DHX9: variants seen among roughly 807,000 people sequenced by gnomAD.
The protein encoded by DHX9 is ATP-dependent RNA helicase A.
DHX9 carries 27 observed loss-of-function variants against 148.7 expected under a neutral mutation model. The observed-to-expected ratio is 0.18, with a 90% CI of 0.13 to 0.25. DHX9 has a LOEUF of 0.25. DHX9 is among the 10% of genes least tolerant of loss of function. The pLI, the probability that DHX9 is intolerant of heterozygous loss-of-function variation, is 1.00. For missense variants in DHX9, 796 were observed against 1,559.6 expected (o/e 0.51, Z 8.25); for synonymous variants, 529 against 516.6 (o/e 1.02, Z -0.33).
rs771689091 is a variant in DHX9, at chr1:182,843,298, A to G, written c.116A>G (p.Gln39Arg). The change falls in exon 3 of 28, where the codon CAG (glutamine) becomes CGG (arginine). Residue 39 changes from glutamine (Q) to arginine (R), a missense_variant. By Grantham distance (43) the Gln-to-Arg change is conservative. Around this residue, in one of 14 missense-constraint regions of DHX9, gnomAD observed 23 missense variants for 89.5 expected, o/e 0.26. Transcript: ENST00000367549. ...KNRQKFMCEV[Q>R]VEGYNYTGMG... is the part of the protein sequence containing the mutation. ...TACTTTTTTTTTTTTTTAAAGGTTC[A>G]GGTGGAAGGTTATAATTACACTGGC... 1.9e-6 allele frequency: 3 copies of G among 1,565,472 alleles called. No individual in the cohort carries two copies. Among genetic ancestry groups the G allele is most frequent in the East Asian group, 4.6e-5 (2 of 43,414 alleles).
In DHX9 at chr1:182,853,297, T is replaced by A. The variant is rs1180811399; in HGVS notation, c.365-9T>A. 1 of 1,596,396 alleles carries A rather than the reference T, an allele frequency of 6.3e-7. No individual in the cohort carries two copies. Among genetic ancestry groups the A allele is most frequent in the Non-Finnish European group, 8.5e-7 (1 of 1,170,220 alleles). ...TGACTCATTAAGAGAATTTTTTTTC[T>A]TTTAACAGAAAATAATTCTGAGGTA... On this transcript the variant is annotated splice_polypyrimidine_tract_variant and intron_variant, in intron 4 of 27. Coordinates refer to ENST00000367549, the MANE Select transcript of DHX9 (RefSeq NM_001357.5).
rs1649372622 is a variant in DHX9 at position 182,887,226 on chromosome 1, G to C, written c.3605G>C (p.Ser1202Thr). ...TATGGTAGCGGAGGCTATGGTGGCA[G>C]CGCCAACTCCTTTCGGGCAGGATAT... The part of the protein sequence containing the change: ...GGYGSGGYGG[S>T]ANSFRAGYGA... The change falls in exon 28 of 28, where the codon AGC becomes ACC. Residue 1202 changes from serine to threonine, a missense_variant. Coordinates refer to ENST00000367549, the MANE Select transcript of DHX9 (RefSeq NM_001357.5). The C allele has an allele frequency of 3.1e-6, 5 of 1,614,084 alleles. No individual in the cohort carries two copies. Among genetic ancestry groups the C allele is most frequent in the Non-Finnish European group, 4.2e-6 (5 of 1,180,042 alleles).
intron 3 of DHX9, among the ~76,000 whole-genome samples, chr1:182,846,219 G>A (rs955794836): frequency 1.3e-5 from 2 of 151,854 alleles, no homozygotes; most frequent in African/African-American, 4.8e-5. Context: ...AGGGAAATGG[G>A]ATTGAAGACC....
intron 15 of DHX9, among the ~76,000 whole-genome samples, chr1:182,873,636 GT>G (rs1281168455): frequency 6.6e-6 from 1 of 152,166 alleles, no homozygotes; most frequent in African/African-American, 2.4e-5. Flanking sequence ...CTAAATGGAG[GT>G]ACAAATGGAT....
chr1:182,882,246 G>T (rs1649115627), intron 24 of DHX9, among the ~76,000 whole-genome samples: 1 of 152,160 alleles, frequency 6.6e-6, no homozygotes, highest in Non-Finnish European at 1.5e-5. Flanking sequence ...ATCTTGAGAT[G>T]AATTTTACAG....
intron 19 of DHX9, 194 bp downstream of exon 19, chr1:182,877,097 G>A (rs1571319045): frequency 1.5e-5 from 7 of 471,832 alleles, no homozygotes; most frequent in East Asian, 1.4e-4. Context: ...AATCAGTTAC[G>A]GTAGAAAGTG....
intron 20 of DHX9, among the ~76,000 whole-genome samples, chr1:182,878,817 C>T (rs779299812): frequency 6.6e-5 from 10 of 150,776 alleles, no homozygotes; most frequent in African/African-American, 2.2e-4. Context: ...TTTAAAGATA[C>T]ATCTATAAGA....
intron 27 of DHX9, among the ~76,000 whole-genome samples, chr1:182,886,547 G>T (rs894209895): frequency 7.2e-5 from 11 of 152,152 alleles, no homozygotes; most frequent in African/African-American, 2.7e-4. Context: ...TATTCTCGAA[G>T]AAAAGCTGCA....
intron 21 of DHX9, 95 bp downstream of exon 21, chr1:182,879,505 A>AG: frequency 8.3e-7 from 1 of 1,203,130 alleles, no homozygotes; most frequent in South Asian, 2.9e-5. Flanking sequence ...AAGATGATGA[A>AG]GATGTAGTCA....
At chr1:182,853,501 C>T in intron 5 of DHX9, 83 bp downstream of exon 5, 1 of 1,024,116 alleles carries the variant, frequency 9.8e-7, no homozygotes, top group Non-Finnish European at 1.5e-6. Context: ...AGGATATTCA[C>T]AAGTTAATAA....
chr1:182,880,157 AT>A (rs1293985833), intron 21 of DHX9, among the ~76,000 whole-genome samples: 1 of 152,028 alleles, frequency 6.6e-6, no homozygotes, highest in Non-Finnish European at 1.5e-5. Context: ...TCTAGATTTT[AT>A]TTTTTTTAAA....
chr1:182,842,472 T>C, intron 1 of DHX9, 73 bp from the exon 2 acceptor site: 1 of 761,842 alleles, frequency 1.3e-6, no homozygotes, highest in South Asian at 1.9e-5. Flanking sequence ...CCAGATTCAG[T>C]AATCTAGATA....
chr1:182,850,431 A>T (rs192447445), intron 3 of DHX9, among the ~76,000 whole-genome samples: 10 of 152,136 alleles, frequency 6.6e-5, no homozygotes, highest in Admixed American at 6.5e-4. Context: ...TCTCTACAAA[A>T]ATAAAATAGA....
chr1:182,840,299 CTTTTTTTTT>C (rs572795237), intron 1 of DHX9, among the ~76,000 whole-genome samples: 7 of 105,552 alleles, frequency 6.6e-5, no homozygotes, highest in Non-Finnish European at 1.1e-4. Context: ...ATTCTTGCGC[CTTTTTTTTT>C]TTTTTTTTTT....
chr1:182,860,604 A>G (rs889459742), intron 12 of DHX9, among the ~76,000 whole-genome samples: 1 of 152,270 alleles, frequency 6.6e-6, no homozygotes, highest in African/African-American at 2.4e-5. Flanking sequence ...ATCGAAGTTC[A>G]TAATGACCCT....
intron 12 of DHX9, among the ~76,000 whole-genome samples, chr1:182,863,164 GTTA>G (rs1252704992): frequency 1.3e-5 from 2 of 152,122 alleles, no homozygotes; most frequent in African/African-American, 4.8e-5. Context: ...ACTTTTGTCG[GTTA>G]TTGTTTTATT....
At position 182,872,466 on chromosome 1, in the gene DHX9, G is replaced by A. The variant is rs1648589333; in HGVS notation, c.1687G>A (p.Val563Ile). 6.2e-7 allele frequency: 1 copy of A among 1,613,980 alleles called. No homozygotes were observed. The highest frequency in any genetic ancestry group is 2.2e-5 in the East Asian group (1 of 44,846). The change falls in exon 15 of 28, where the codon GTT becomes ATT. Residue 563 changes from valine to isoleucine, a missense_variant. Transcript: ENST00000367549. The stretch of plus-strand genomic sequence containing the variant: ...TTTCTTCAATTGCCCCATCATTGAA[G>A]TTTATGGGAGGACTTACCCAGTTCA... ...EYFFNCPIIE[V>I]YGRTYPVQEY...
At chr1:182,843,925 G>C (rs1337168560) in intron 3 of DHX9, among the ~76,000 whole-genome samples, 1 of 152,148 alleles carries the variant, frequency 6.6e-6, no homozygotes, top group Middle Eastern at 3.4e-3. Context: ...AACCCCCTTA[G>C]TAGCTGGACT....
At position 182,858,639 on chromosome 1, in the gene DHX9, C is replaced by T. The variant is rs560867859; in HGVS notation, c.899C>T (p.Pro300Leu). ...IQELNLEILP[P>L]PEDPSVPVAL... ...GAGCTAAATCTTGAGATTTTGCCCC[C>T]GGTAAGCATAAAGCTGTTTAGTTCA... is the stretch of plus-strand genomic sequence containing the variant. Residue 300 changes from proline (P) to leucine (L), a missense_variant and splice_region_variant, in exon 9 of 28, where the codon CCG becomes CTG. By Grantham distance (98) the Pro-to-Leu change is moderately conservative. Around this residue, in one of 14 missense-constraint regions of DHX9, gnomAD observed 63 missense variants for 78.6 expected, o/e 0.80. Transcript: ENST00000367549. The T allele has an allele frequency of 6.8e-6, 11 of 1,608,002 alleles. No homozygotes were observed. The highest frequency in any genetic ancestry group is 3.3e-5 in the South Asian group (3 of 90,844).
Sources: gnomAD v4.1 joint callset for allele counts (sites outside exome capture counted in the v4.1 genomes callset) on GRCh38, gnomAD v4.1.1 for gene constraint, gnomAD v4.1.1 regional missense constraint, MANE v1.5 for transcripts, NCBI Gene and HGNC (gene_info 2026-07-23, HGNC 2026-07-21) for gene names.